ZNF670: variants seen among roughly 807,000 people sequenced by gnomAD.
ZNF670 encodes the protein zinc finger protein 670.
A neutral mutation model predicts 10.9 loss-of-function variants in ZNF670; 7 were observed. The observed-to-expected ratio is 0.64, with a 90% CI of 0.36 to 1.20. ZNF670 has a LOEUF of 1.20. Among genes scored for constraint, ZNF670 ranks in the 50% most tolerant of loss-of-function variants. ZNF670 has a pLI of 0.02. For synonymous variants in ZNF670, 136 were observed against 152.7 expected, an observed-to-expected ratio of 0.89 and a Z score of 0.81; for missense variants, 446 against 458.6, an observed-to-expected ratio of 0.97 and a Z score of 0.25.
At chr1:247,045,832 T>C (rs1209870346) in intron 1 of ZNF670, among the ~76,000 whole-genome samples, 1 of 152,152 alleles carries the variant, frequency 6.6e-6, no homozygotes. Flanking sequence ...GTTAAGTGAT[T>C]GAAACCAAAA....
At chr1:247,066,666 T>C (rs958895851) in intron 1 of ZNF670, among the ~76,000 whole-genome samples, 1 of 152,220 alleles carries the variant, frequency 6.6e-6, no homozygotes, top group Non-Finnish European at 1.5e-5. Flanking sequence ...CAGGCCACGA[T>C]GGGAAGAGGG....
At chr1:247,059,120 A>C (rs968647751) in intron 1 of ZNF670, among the ~76,000 whole-genome samples, 4 of 149,456 alleles carry the variant, frequency 2.7e-5, no homozygotes, top group Non-Finnish European at 4.4e-5. Flanking sequence ...GAGATGCAAA[A>C]ATTTTCAATC....
chr1:247,072,523 G>A (rs1416768810), intron 1 of ZNF670, among the ~76,000 whole-genome samples: 1 of 151,378 alleles, frequency 6.6e-6, no homozygotes, highest in Non-Finnish European at 1.5e-5. Flanking sequence ...AGTGGCTCAC[G>A]CCTGTAATGC....
intron 1 of ZNF670, among the ~76,000 whole-genome samples, chr1:247,064,663 G>A (rs1183997454): frequency 6.6e-6 from 1 of 152,210 alleles, no homozygotes; most frequent in Non-Finnish European, 1.5e-5. Context: ...TCAGCCTCAA[G>A]GAAGAACGGG....
At chr1:247,040,140 T>C (rs1339063971) in intron 1 of ZNF670, among the ~76,000 whole-genome samples, 1 of 152,222 alleles carries the variant, frequency 6.6e-6, no homozygotes, top group Non-Finnish European at 1.5e-5. Flanking sequence ...ACTCTGAGCA[T>C]TAAGTCTCTA....
At chr1:247,073,946 T>A (rs1671194780) in intron 1 of ZNF670, among the ~76,000 whole-genome samples, 1 of 152,114 alleles carries the variant, frequency 6.6e-6, no homozygotes, top group Admixed American at 6.5e-5. Flanking sequence ...AAGATGTGAC[T>A]CAGGAACAAC....
intron 1 of ZNF670, among the ~76,000 whole-genome samples, chr1:247,059,215 G>A (rs1289721254): frequency 2.6e-5 from 4 of 152,038 alleles, no homozygotes; most frequent in Non-Finnish European, 4.4e-5. Flanking sequence ...GCCGAGGCGG[G>A]CGGATCATGA....
In ZNF670 at chr1:247,038,344, A is replaced by C. The variant is rs1446269930; in HGVS notation, c.275T>G (p.Leu92Arg). Residue 92 changes from leucine (L) to arginine (R), a missense_variant, in exon 4 of 4, where the codon CTG becomes CGG. By Grantham distance (102) the Leu-to-Arg change is moderately radical (BLOSUM62 -2). Coordinates refer to ENST00000366503, the MANE Select transcript of ZNF670 (RefSeq NM_033213.5). ...ETFSQDSNLN[L>R]NKKVSTGVKP... is the part of the protein sequence containing the mutation. Reference sequence around the variant, plus strand: ...TACTCCAGTAGAAACTTTCTTATTCAGATTCAAATTTGAATCCTGGCTGAA... The same window carrying C: ...TACTCCAGTAGAAACTTTCTTATTCCGATTCAAATTTGAATCCTGGCTGAA... The C allele has an allele frequency of 6.2e-7, 1 of 1,614,154 alleles. No individual in the cohort carries two copies.
At chr1:247,054,151 T>C (rs1431762290) in intron 1 of ZNF670, among the ~76,000 whole-genome samples, 1 of 152,188 alleles carries the variant, frequency 6.6e-6, no homozygotes, top group Non-Finnish European at 1.5e-5. Flanking sequence ...GACTTGCCTA[T>C]CCCAGTGGTT....
chr1:247,057,024 T>C (rs1254103354), intron 1 of ZNF670, among the ~76,000 whole-genome samples: 1 of 152,142 alleles, frequency 6.6e-6, no homozygotes, highest in Non-Finnish European at 1.5e-5. Context: ...AAAAAGCTTC[T>C]GTGCAGCAAA....
At chr1:247,047,556 A>AAAGTTTTCTGTACCCACAGGCCCAACACC (rs1670481005) in intron 1 of ZNF670, among the ~76,000 whole-genome samples, 1 of 151,716 alleles carries the variant, frequency 6.6e-6, no homozygotes, top group Admixed American at 6.6e-5. Context: ...CTCAATTCTT[A>AAAGTTTTCTGTACCCACAGGCCCAACACC]ACTTGGCTTT....
intron 1 of ZNF670, among the ~76,000 whole-genome samples, chr1:247,069,459 A>G (rs1671067090): frequency 6.6e-6 from 1 of 151,242 alleles, no homozygotes; most frequent in African/African-American, 2.5e-5. Context: ...AAAACTAAAA[A>G]GAAACCTGCC....
chr1:247,072,843 T>TACACACACACAC (rs1553323588), intron 1 of ZNF670, among the ~76,000 whole-genome samples: 1 of 85,812 alleles, frequency 1.2e-5, no homozygotes, highest in African/African-American at 4.9e-5. Context: ...TATATATGCA[T>TACACACACACAC]ACACACACAT....
chr1:247,064,630 C>A (rs1395269898), intron 1 of ZNF670, among the ~76,000 whole-genome samples: 4 of 152,184 alleles, frequency 2.6e-5, no homozygotes. Context: ...AAATTATAGA[C>A]TCATTGTCTA....
intron 1 of ZNF670, among the ~76,000 whole-genome samples, chr1:247,070,743 G>A (rs11803584): frequency 0.25 from 38,648 of 151,984 alleles, 5,480 homozygotes; most frequent in Middle Eastern, 0.36. Flanking sequence ...ATCTGACAAC[G>A]GTTTAATATC....
rs1249676701 is a variant in ZNF670 at position 247,036,478 on chromosome 1, TC to T, written c.*970del. ...TACCAGCCTAGACAATACAGCGAGA[TC>T]CCATCTCTATAAAAAATTTTTAAAA... is the stretch of plus-strand genomic sequence containing the variant. On this transcript the variant is annotated 3_prime_UTR_variant, in exon 4 of 4. Transcript: ENST00000366503. Among the ~76,000 whole-genome samples, 3 of 152,148 alleles carry T rather than the reference TC, an allele frequency of 2.0e-5. No individual in the cohort carries two copies. The highest frequency in any genetic ancestry group is 7.2e-5 in the African/African-American group (3 of 41,520).
chr1:247,058,840 T>C (rs1670784611), intron 1 of ZNF670, among the ~76,000 whole-genome samples: 1 of 151,872 alleles, frequency 6.6e-6, no homozygotes, highest in East Asian at 1.9e-4. Context: ...TGAGCAGACA[T>C]GAATAGGTCT....
chr1:247,043,178 G>A (rs1350849563), intron 1 of ZNF670: 23 of 767,684 alleles, frequency 3.0e-5, no homozygotes, highest in East Asian at 6.1e-5. Context: ...CATGTTCTAC[G>A]TGCTGGACCC....
chr1:247,045,973 T>C (rs573067834), intron 1 of ZNF670, among the ~76,000 whole-genome samples: 1 of 152,300 alleles, frequency 6.6e-6, no homozygotes, highest in African/African-American at 2.4e-5. Flanking sequence ...TTGTGTCCAA[T>C]GCCCTAAGGA....
Sources: allele counts gnomAD v4.1 joint callset (sites outside exome capture counted in the v4.1 genomes callset), GRCh38; gene constraint gnomAD v4.1.1; transcripts MANE v1.5; gene names NCBI Gene and HGNC (gene_info 2026-07-23, HGNC 2026-07-21).